The following ROBO2 variants were observed in gnomAD, a reference collection of about 807,000 sequenced individuals.
ROBO2 encodes the protein roundabout guidance receptor 2.
ROBO2 carries 53 observed loss-of-function variants against 160.8 expected under a neutral mutation model. The ratio of observed to expected loss-of-function variants is 0.33; its 90% CI spans 0.26 to 0.41. The LOEUF is 0.41. ROBO2 is among the 10% of genes least tolerant of loss of function. ROBO2 has a pLI of 1.00. For synonymous variants in ROBO2, 664 were observed against 611.7 expected, an observed-to-expected ratio of 1.09 and a Z score of -1.26; for missense variants, 1,577 against 1,722.4, an observed-to-expected ratio of 0.92 and a Z score of 1.49.
chr3:77,573,127 T>A (rs186584117), intron 13 of ROBO2, among the ~76,000 whole-genome samples: 1 of 151,996 alleles, frequency 6.6e-6, no homozygotes. Flanking sequence ...TGTTAGACTA[T>A]AGCTATTAAA....
At chr3:76,278,009 T>C in intron 2 of ROBO2, among the ~76,000 whole-genome samples, 1 of 151,718 alleles carries the variant, frequency 6.6e-6, no homozygotes, top group East Asian at 1.9e-4. Context: ...TGGCACTGTA[T>C]AGGAAATAGT....
chr3:76,444,536 C>T (rs1189558997), intron 2 of ROBO2, among the ~76,000 whole-genome samples: 2 of 152,052 alleles, frequency 1.3e-5, no homozygotes, highest in Non-Finnish European at 2.9e-5. Context: ...GAAGGGAAAG[C>T]AAGGCATCTT....
rs558190322 is a variant in ROBO2 at position 76,558,897 on chromosome 3, A to G, written c.110-539117A>G. On this transcript the variant is annotated intron_variant, in intron 2 of 26. Coordinates refer to the ROBO2 transcript ENST00000487694. ...TTAAACATTTAACAGAGATGGGCTCACTTCAATAAACATTTATTTTGGTAT... is the reference window on the plus strand; with the variant it reads ...TTAAACATTTAACAGAGATGGGCTCGCTTCAATAAACATTTATTTTGGTAT... Among the ~76,000 whole-genome samples the G allele has an allele frequency of 8.9e-4, 135 of 152,292 alleles. 1 individual carries two copies. Among genetic ancestry groups the G allele is most frequent in the African/African-American group, 3.1e-3 (130 of 41,580 alleles).
At chr3:77,342,360 G>A (rs1198342973) in intron 2 of ROBO2, among the ~76,000 whole-genome samples, 2 of 152,114 alleles carry the variant, frequency 1.3e-5, no homozygotes, top group Non-Finnish European at 2.9e-5. Flanking sequence ...TCAACACCTG[G>A]ATTGAAAGTG....
intron 2 of ROBO2, among the ~76,000 whole-genome samples, chr3:77,418,825 G>A (rs1401122651): frequency 6.6e-6 from 1 of 152,088 alleles, no homozygotes; most frequent in Non-Finnish European, 1.5e-5. Flanking sequence ...GTTAAGGAGT[G>A]TTAAAAGCCT....
intron 2 of ROBO2, among the ~76,000 whole-genome samples, chr3:76,228,252 A>C (rs1704411469): frequency 6.6e-6 from 1 of 152,192 alleles, no homozygotes; most frequent in Non-Finnish European, 1.5e-5. Flanking sequence ...AGCACATATA[A>C]GACAGCAAAT....
intron 2 of ROBO2, among the ~76,000 whole-genome samples, chr3:76,926,154 A>G (rs1030533812): frequency 3.3e-5 from 5 of 152,146 alleles, no homozygotes. Flanking sequence ...CAGAAGCCTC[A>G]CTGTATCTAA....
At chr3:77,087,485 A>G (rs1052323243) in intron 1 of ROBO2, among the ~76,000 whole-genome samples, 2 of 152,138 alleles carry the variant, frequency 1.3e-5, no homozygotes, top group African/African-American at 4.8e-5. Flanking sequence ...ACCTTCAACC[A>G]TGTAAGATGT....
intron 2 of ROBO2, among the ~76,000 whole-genome samples, chr3:76,407,647 A>C (rs2075277358): frequency 6.6e-6 from 1 of 152,046 alleles, no homozygotes; most frequent in Non-Finnish European, 1.5e-5. Flanking sequence ...ATGGAATATG[A>C]AGGTACCAAA....
intron 2 of ROBO2, among the ~76,000 whole-genome samples, chr3:76,630,047 G>T (rs1048987197): frequency 9.9e-5 from 15 of 152,138 alleles, no homozygotes; most frequent in Non-Finnish European, 1.6e-4. Flanking sequence ...TCCCCGCTTG[G>T]CTGACTTTGG....
At chr3:76,460,134 A>G (rs1429572327) in intron 2 of ROBO2, among the ~76,000 whole-genome samples, 1 of 152,046 alleles carries the variant, frequency 6.6e-6, no homozygotes, top group Non-Finnish European at 1.5e-5. Flanking sequence ...TATAAAGAGT[A>G]TTTACATTTA....
At chr3:76,024,681 G>A (rs1249479993) in intron 2 of ROBO2, among the ~76,000 whole-genome samples, 1 of 151,564 alleles carries the variant, frequency 6.6e-6, no homozygotes, top group Non-Finnish European at 1.5e-5. Context: ...AAATGAATTA[G>A]TAATAATGTT....
At chr3:76,657,142 T>C (rs2091569793) in intron 2 of ROBO2, among the ~76,000 whole-genome samples, 3 of 152,144 alleles carry the variant, frequency 2.0e-5, no homozygotes, top group African/African-American at 7.2e-5. Flanking sequence ...TAAAAATGCA[T>C]TGGCTGGGCG....
intron 2 of ROBO2, among the ~76,000 whole-genome samples, chr3:76,972,605 C>T (rs2059625046): frequency 6.6e-6 from 1 of 151,972 alleles, no homozygotes; most frequent in Non-Finnish European, 1.5e-5. Flanking sequence ...GACCTGTAAT[C>T]CCAGTGCTTT....
chr3:76,218,686 A>T (rs535818565), intron 2 of ROBO2, among the ~76,000 whole-genome samples: 1 of 152,320 alleles, frequency 6.6e-6, no homozygotes, highest in Admixed American at 6.5e-5. Flanking sequence ...ATGGAAGAAC[A>T]TTCCATGCTC....
chr3:76,249,969 G>C (rs1705888122), intron 2 of ROBO2, among the ~76,000 whole-genome samples: 1 of 151,986 alleles, frequency 6.6e-6, no homozygotes, highest in Non-Finnish European at 1.5e-5. Context: ...ATATGTTAAG[G>C]TATGTTGTAA....
At chr3:76,239,334 G>A (rs1705149854) in intron 2 of ROBO2, among the ~76,000 whole-genome samples, 1 of 146,208 alleles carries the variant, frequency 6.8e-6, no homozygotes, top group Admixed American at 7.2e-5. Flanking sequence ...TAATATGCAT[G>A]TTTATGTAGT....
chr3:76,980,041 T>G (rs938996754), intron 2 of ROBO2, among the ~76,000 whole-genome samples: 10 of 152,140 alleles, frequency 6.6e-5, no homozygotes, highest in Non-Finnish European at 7.4e-5. Context: ...ACTAGAAGCA[T>G]GCACATCTGG....
chr3:76,303,157 G>T (rs552695759), intron 2 of ROBO2, among the ~76,000 whole-genome samples: 1 of 152,158 alleles, frequency 6.6e-6, no homozygotes, highest in African/African-American at 2.4e-5. Flanking sequence ...TGTTTGATGA[G>T]ATTTCAAGGC....
Sources: allele counts gnomAD v4.1 joint callset (sites outside exome capture counted in the v4.1 genomes callset), GRCh38; gene constraint gnomAD v4.1.1; transcripts MANE v1.5; gene names NCBI Gene and HGNC (gene_info 2026-07-23, HGNC 2026-07-21).